Variants in ZNF208 observed in about 807,000 individuals in gnomAD.
The protein encoded by ZNF208 is zinc finger protein 208, also known as zinc finger protein 95.
ZNF208 carries 10 observed loss-of-function variants against 12.1 expected under a neutral mutation model. The ratio of observed to expected loss-of-function variants is 0.83; its 90% CI spans 0.51 to 1.40. ZNF208 has a LOEUF of 1.40. Among genes scored for constraint, ZNF208 ranks in the 40% most tolerant of loss-of-function variants. ZNF208 has a pLI of 0.00. For missense variants in ZNF208, 1,652 were observed against 1,485.0 expected (o/e 1.11, Z -1.85); for synonymous variants, 497 against 488.4 (o/e 1.02, Z -0.23).
In ZNF208 at chr19:22,008,312, A is replaced by AAAAAG. The variant is rs1363195323; in HGVS notation, c.3+2475_3+2479dup. On this transcript the variant is annotated intron_variant, in intron 1 of 3. Coordinates refer to ENST00000397126, the MANE Select transcript of ZNF208 (RefSeq NM_007153.3). Reference sequence around the variant, plus strand: ...AATGAGACTCTATCTCAAAAAAAAAAAAAAGAAAAAAAAAACTGAGGTCAA... The same window carrying AAAAAG: ...AATGAGACTCTATCTCAAAAAAAAAAAAAAGAAAAGAAAAAAAAAACTGAGGTCAA... Among the ~76,000 whole-genome samples the AAAAAG allele has an allele frequency of 4.2e-4, 63 of 151,778 alleles. 2 individuals carry two copies. The highest frequency in any genetic ancestry group is 2.7e-3 in the South Asian group (13 of 4,820).
rs150924376 is a variant in ZNF208, at chr19:21,979,072, A to T, written c.227-4265T>A. 2.9e-4 allele frequency among the ~76,000 whole-genome samples: 44 copies of T among 152,346 alleles called. 1 individual carries two copies. In the East Asian group the frequency reaches 7.5e-3, roughly 26 times the overall value. On this transcript the variant is annotated intron_variant, in intron 3 of 3. Transcript: ENST00000397126. The stretch of plus-strand genomic sequence containing the variant: ...GAACAAAGCCTCCAAGAAATATGGG[A>T]CTATGTGAAAAGACCAAATCTACAT...
At chr19:21,985,156 C>A (rs941136564) in intron 3 of ZNF208, among the ~76,000 whole-genome samples, 37 of 152,142 alleles carry the variant, frequency 2.4e-4, no homozygotes, top group African/African-American at 8.2e-4. Flanking sequence ...CACAAAAAGA[C>A]AAAGATTGTA....
intron 1 of ZNF208, among the ~76,000 whole-genome samples, chr19:22,003,947 T>C (rs1971000178): frequency 6.6e-6 from 1 of 151,866 alleles, no homozygotes; most frequent in Admixed American, 6.6e-5. Flanking sequence ...GCTAGGTGGA[T>C]TGCCTGAGCT....
intron 3 of ZNF208, among the ~76,000 whole-genome samples, chr19:21,983,404 G>A (rs1475991475): frequency 3.3e-5 from 5 of 152,148 alleles, no homozygotes; most frequent in Admixed American, 2.6e-4. Flanking sequence ...ACTGCTGGTT[G>A]GAGTGTAAAT....
chr19:22,004,743 A>G (rs1292191339), intron 1 of ZNF208, among the ~76,000 whole-genome samples: 2 of 152,166 alleles, frequency 1.3e-5, no homozygotes, highest in African/African-American at 4.8e-5. Context: ...GGGAAAAAAG[A>G]CACTGAGGCC....
intron 3 of ZNF208, among the ~76,000 whole-genome samples, chr19:21,981,388 T>C (rs1328263164): frequency 6.6e-6 from 1 of 151,618 alleles, no homozygotes; most frequent in Non-Finnish European, 1.5e-5. Context: ...ATCTGTGGGA[T>C]GCAAGGCTGG....
In ZNF208 at chr19:21,971,614, G is replaced by C; in HGVS notation, c.3420C>G (p.Pro1140=). ...KHKVIHTGEK[P]YKCEECGKAY... is the part of the protein sequence containing the mutation. ...CTTTGCCACATTCTTCACATTTGTA[G>C]GGTTTCTCTCCAGTATGAATTACCT... The change falls in exon 4 of 4, where the codon CCC becomes CCG. Residue 1140 remains proline, a synonymous_variant. Transcript: ENST00000397126. The C allele has an allele frequency of 1.2e-6, 2 of 1,612,304 alleles. No individual in the cohort carries two copies. The highest frequency in any genetic ancestry group is 1.7e-6 in the Non-Finnish European group (2 of 1,179,882).
At chr19:22,010,665 T>C (rs574067404) in intron 1 of ZNF208, 127 bp downstream of exon 1, 2 of 1,450,380 alleles carry the variant, frequency 1.4e-6, no homozygotes, top group East Asian at 4.6e-5. Context: ...GAGGTCGAGC[T>C]AGGCAAGAAC....
chr19:21,980,232 A>G (rs955860578), intron 3 of ZNF208, among the ~76,000 whole-genome samples: 5 of 152,230 alleles, frequency 3.3e-5, no homozygotes, highest in African/African-American at 9.6e-5. Context: ...CAAACCAAAT[A>G]GACATCTACA....
intron 4 of ZNF208, among the ~76,000 whole-genome samples, chr19:21,950,296 G>T (rs1317510701): frequency 6.6e-6 from 1 of 151,912 alleles, no homozygotes; most frequent in East Asian, 1.9e-4. Context: ...AGCATAGAAG[G>T]CCCTAAAATA....
At chr19:22,000,165 A>G (rs897593543) in intron 1 of ZNF208, among the ~76,000 whole-genome samples, 7 of 152,228 alleles carry the variant, frequency 4.6e-5, no homozygotes, top group Admixed American at 1.3e-4. Context: ...GAAGAAAATT[A>G]ACAACAATAT....
At chr19:21,995,850 A>T (rs1205147759) in intron 1 of ZNF208, among the ~76,000 whole-genome samples, 1 of 152,228 alleles carries the variant, frequency 6.6e-6, no homozygotes, top group Non-Finnish European at 1.5e-5. Flanking sequence ...AATGAAGAAG[A>T]TGTGAAAAGG....
rs1244535126 is a variant in ZNF208 at position 21,967,850 on chromosome 19, T to C, written c.*3341A>G. The C allele has an allele frequency of 6.6e-6, 1 of 152,178 alleles. No homozygotes were observed. The highest frequency in any genetic ancestry group is 1.5e-5 in the Non-Finnish European group (1 of 68,028). The allele number at this position is 152,178 out of a possible 1,614,324, so 9.4% of individuals were successfully genotyped here. A position where few individuals can be genotyped will look rare whatever the true frequency, so the allele number is the denominator to read the frequency against. ...AGGTTGCTTTAGGCAGAATGACCAT[T>C]TTAATTATATTATTTGAATCCATGA... On this transcript the variant is annotated 3_prime_UTR_variant, in exon 4 of 4. Transcript: ENST00000397126.
At chr19:21,963,622 T>C (rs754035663), downstream of ZNF208, among the ~76,000 whole-genome samples, 1 of 152,028 alleles carries the variant, frequency 6.6e-6, no homozygotes, top group East Asian at 1.9e-4. Context: ...TGAACTGTCA[T>C]TTGCATAGCT....
At chr19:21,982,805 A>G (rs1043843737) in intron 3 of ZNF208, among the ~76,000 whole-genome samples, 12 of 152,246 alleles carry the variant, frequency 7.9e-5, no homozygotes, top group Non-Finnish European at 1.6e-4. Flanking sequence ...AAAACTGGCT[A>G]GCCATATGCA....
intron 4 of ZNF208, among the ~76,000 whole-genome samples, chr19:21,958,844 TTAGC>T (rs1444867462): frequency 6.6e-6 from 1 of 152,086 alleles, no homozygotes; most frequent in Non-Finnish European, 1.5e-5. Context: ...CTGAGAGGGA[TTAGC>T]TAGTTAGCCT....
chr19:21,955,439 A>G (rs917066550), intron 4 of ZNF208, among the ~76,000 whole-genome samples: 5 of 152,128 alleles, frequency 3.3e-5, no homozygotes, highest in African/African-American at 1.2e-4. Flanking sequence ...ACTTGGTTCC[A>G]TTCTCCCTGT....
At chr19:21,993,526 G>A (rs1000082829) in intron 1 of ZNF208, among the ~76,000 whole-genome samples, 1 of 151,972 alleles carries the variant, frequency 6.6e-6, no homozygotes, top group African/African-American at 2.4e-5. Context: ...AACTCCTTAA[G>A]TAAGCATTTC....
intron 2 of ZNF208, among the ~76,000 whole-genome samples, chr19:21,988,399 G>T (rs910226153): frequency 2.4e-4 from 37 of 152,148 alleles, no homozygotes; most frequent in African/African-American, 8.9e-4. Flanking sequence ...TGCAGAATGT[G>T]GGCAAACTTG....
Sources: allele counts gnomAD v4.1 joint callset (sites outside exome capture counted in the v4.1 genomes callset), GRCh38; gene constraint gnomAD v4.1.1; transcripts MANE v1.5; gene names NCBI Gene and HGNC (gene_info 2026-07-23, HGNC 2026-07-21).